The following LRRC8D variants were observed in gnomAD, a reference collection of about 807,000 sequenced individuals.
The protein encoded by LRRC8D is volume-regulated anion channel subunit LRRC8D.
A neutral mutation model predicts 55.8 loss-of-function variants in LRRC8D; 20 were observed. That is an observed-to-expected ratio of 0.36 (90% confidence interval 0.25 to 0.52). The LOEUF is 0.52. Ranked by LOEUF, LRRC8D falls within the 20% of genes least tolerant of loss-of-function variation. The pLI is 0.93. For synonymous variants in LRRC8D, 352 were observed against 377.0 expected (o/e 0.93, Z 0.77); for missense variants, 651 against 1,030.8 (o/e 0.63, Z 5.05).
At chr1:89,878,889 C>G (rs1033625672) in intron 2 of LRRC8D, among the ~76,000 whole-genome samples, 23 of 151,824 alleles carry the variant, frequency 1.5e-4, no homozygotes, top group African/African-American at 5.3e-4. Context: ...ATCACTTGAA[C>G]CCAGGAGGCA....
At chr1:89,914,764 G>A (rs547961120) in intron 2 of LRRC8D, among the ~76,000 whole-genome samples, 4 of 149,776 alleles carry the variant, frequency 2.7e-5, no homozygotes, top group East Asian at 2.0e-4. Context: ...ATATAGTGAA[G>A]ATGGGGTCTT....
intron 2 of LRRC8D, among the ~76,000 whole-genome samples, chr1:89,848,928 G>A (rs368482448): frequency 2.6e-5 from 4 of 152,206 alleles, no homozygotes; most frequent in African/African-American, 9.6e-5. Flanking sequence ...TCGATCTCCT[G>A]ACTTCTTGAT....
intron 2 of LRRC8D, among the ~76,000 whole-genome samples, chr1:89,875,540 C>T (rs1389437048): frequency 6.6e-6 from 1 of 151,964 alleles, no homozygotes; most frequent in East Asian, 1.9e-4. Flanking sequence ...CAAAATTAAG[C>T]AAGATAAAGA....
intron 1 of LRRC8D, among the ~76,000 whole-genome samples, chr1:89,829,688 G>A (rs879846664): frequency 6.6e-6 from 1 of 152,176 alleles, no homozygotes; most frequent in Non-Finnish European, 1.5e-5. Flanking sequence ...GAGCCATAGC[G>A]GCATCCCGGC....
In LRRC8D at chr1:89,935,209, C is replaced by G; in HGVS notation, c.2141C>G (p.Ser714Cys). 1 of 1,614,142 alleles carries G rather than the reference C, an allele frequency of 6.2e-7. No individual in the cohort carries two copies. The highest frequency in any genetic ancestry group is 2.2e-5 in the East Asian group (1 of 44,894). Residue 714 changes from serine (S) to cysteine (C), a missense_variant, in exon 3 of 3, where the codon TCT becomes TGT. Ser to Cys is a moderately radical substitution (Grantham distance 112). Coordinates refer to ENST00000337338, the MANE Select transcript of LRRC8D (RefSeq NM_001134479.2). ...HVKNLESLYF[S>C]NNKLESLPVA... ...AAAAACTTGGAGTCACTTTATTTCT[C>G]TAACAACAAGCTCGAATCCTTACCA...
At chr1:89,844,899 T>G (rs1661235575) in intron 2 of LRRC8D, among the ~76,000 whole-genome samples, 1 of 152,194 alleles carries the variant, frequency 6.6e-6, no homozygotes, top group Non-Finnish European at 1.5e-5. Context: ...AAATTAAATG[T>G]TTGAGCCCTG....
chr1:89,844,654 A>G (rs1661227771), intron 2 of LRRC8D, among the ~76,000 whole-genome samples: 1 of 152,226 alleles, frequency 6.6e-6, no homozygotes, highest in South Asian at 2.1e-4. Context: ...TCAAATGTTC[A>G]TAGGAGAATA....
rs777084126 is a variant in LRRC8D, at chr1:89,935,459, C to G, written c.2391C>G (p.Leu797=). The G allele has an allele frequency of 1.2e-6, 2 of 1,614,248 alleles. No individual in the cohort carries two copies. The highest frequency in any genetic ancestry group is 1.7e-6 in the Non-Finnish European group (2 of 1,180,042). The change falls in exon 3 of 3, where the codon CTC becomes CTG. Residue 797 remains leucine, a synonymous_variant. Transcript: ENST00000337338. ...ITSLPEKVGQ[L]SQLTQLELKG... is the part of the protein sequence containing the mutation. The stretch of plus-strand genomic sequence containing the variant: ...CACTCCCAGAGAAAGTTGGTCAGCT[C>G]TCCCAGCTCACTCAGCTGGAGCTGA...
At chr1:89,932,794 C>T (rs530518976) in intron 2 of LRRC8D, among the ~76,000 whole-genome samples, 1 of 152,344 alleles carries the variant, frequency 6.6e-6, no homozygotes, top group African/African-American at 2.4e-5. Context: ...TACCCTCCTT[C>T]AAGGTCCACT....
chr1:89,857,492 G>A (rs534876321), intron 2 of LRRC8D, among the ~76,000 whole-genome samples: 16 of 151,756 alleles, frequency 1.1e-4, no homozygotes, highest in Admixed American at 2.0e-4. Context: ...TAACAAGCAG[G>A]TATTTTATAA....
chr1:89,850,105 G>A (rs1229607272), intron 2 of LRRC8D, among the ~76,000 whole-genome samples: 1 of 152,040 alleles, frequency 6.6e-6, no homozygotes, highest in Non-Finnish European at 1.5e-5. Context: ...GTCATATTGT[G>A]AGCCAGTTTT....
intron 2 of LRRC8D, among the ~76,000 whole-genome samples, chr1:89,846,828 G>A (rs1557447916): frequency 6.6e-6 from 1 of 152,046 alleles, no homozygotes; most frequent in Non-Finnish European, 1.5e-5. Flanking sequence ...TAGTGAGCAA[G>A]TATCTTTCCA....
Position 89,934,260 on chromosome 1 carries a change from G to A in LRRC8D, c.1192G>A (p.Glu398Lys), listed in dbSNP as rs1663781329. Residue 398 changes from glutamate to lysine, a missense_variant, in exon 3 of 3, where the codon GAA becomes AAA. Glu to Lys is a moderately conservative substitution (Grantham distance 56). Around this residue, in one of 5 missense-constraint regions of LRRC8D, gnomAD observed 178 missense variants for 374.9 expected, o/e 0.47. Coordinates refer to ENST00000337338, the MANE Select transcript of LRRC8D (RefSeq NM_001134479.2). The surrounding 1 kb of genome is among the most constrained non-coding windows in gnomAD (Gnocchi z 5.9). ...FRIPLKEYSF[E>K]KVREESSFSD... ...GATACCTTTGAAGGAATATTCTTTCGAAAAAGTCAGAGAAGAGAGCAGTTT... is the reference window on the plus strand; with the variant it reads ...GATACCTTTGAAGGAATATTCTTTCAAAAAAGTCAGAGAAGAGAGCAGTTT... 7 of 1,613,932 alleles carry A rather than the reference G, an allele frequency of 4.3e-6. No individual in the cohort carries two copies. The highest frequency in any genetic ancestry group is 1.1e-5 in the South Asian group (1 of 91,080).
At chr1:89,925,175 G>A (rs762917163) in intron 2 of LRRC8D, among the ~76,000 whole-genome samples, 1 of 152,156 alleles carries the variant, frequency 6.6e-6, no homozygotes, top group African/African-American at 2.4e-5. Context: ...GATTCTCGTA[G>A]GAGTGTGAAC....
intron 2 of LRRC8D, among the ~76,000 whole-genome samples, chr1:89,860,785 AATATATATATATATAT>A (rs35932362): frequency 1.1e-4 from 3 of 28,180 alleles, no homozygotes; most frequent in Non-Finnish European, 1.4e-4. Context: ...AAAAAAAAAA[AATATATATATATATAT>A]ATATATATAC....
chr1:89,875,583 G>A (rs1044183954), intron 2 of LRRC8D, among the ~76,000 whole-genome samples: 6 of 152,162 alleles, frequency 3.9e-5, no homozygotes, highest in Non-Finnish European at 8.8e-5. Context: ...GTGTTACATG[G>A]TCAGAGAAAG....
intron 2 of LRRC8D, among the ~76,000 whole-genome samples, chr1:89,930,356 G>T (rs946946528): frequency 2.6e-5 from 4 of 152,044 alleles, no homozygotes; most frequent in African/African-American, 9.7e-5. Context: ...ACTATGCCTG[G>T]CTAATTTTTG....
At chr1:89,857,440 G>C (rs903985741) in intron 2 of LRRC8D, among the ~76,000 whole-genome samples, 3 of 148,458 alleles carry the variant, frequency 2.0e-5, no homozygotes. Flanking sequence ...AGGTGATTTT[G>C]ACTTTTTATA....
In LRRC8D at chr1:89,934,499, C is replaced by G; in HGVS notation, c.1431C>G (p.Phe477Leu). ...NAQDKQELHL[F>L]MLSGVPDAVF... ...AGGACAAGCAGGAGTTGCATCTGTT[C>G]ATGCTGTCGGGGGTGCCCGATGCTG... Residue 477 changes from phenylalanine to leucine, a missense_variant, in exon 3 of 3, where the codon TTC becomes TTG. Around this residue, in one of 5 missense-constraint regions of LRRC8D, gnomAD observed 338 missense variants for 479.4 expected, o/e 0.71. Transcript: ENST00000337338. This position sits in a 1 kb window ranked among gnomAD's most constrained non-coding sequence, Gnocchi z 5.9. 6.2e-7 allele frequency: 1 copy of G among 1,614,198 alleles called. No individual in the cohort carries two copies. The highest frequency in any genetic ancestry group is 8.5e-7 in the Non-Finnish European group (1 of 1,180,042).
Sources: gnomAD v4.1 joint callset for allele counts (sites outside exome capture counted in the v4.1 genomes callset) on GRCh38, gnomAD v4.1.1 for gene constraint, gnomAD v4.1.1 regional missense constraint, Gnocchi (gnomAD v3.1) non-coding constraint, MANE v1.5 for transcripts, NCBI Gene and HGNC (gene_info 2026-07-23, HGNC 2026-07-21) for gene names.